Variants in ARHGAP24 observed in about 807,000 individuals in gnomAD.
The protein encoded by ARHGAP24 is Rho GTPase activating protein 24.
Under a neutral mutation model 76.4 loss-of-function variants are expected in ARHGAP24, and 50 were observed. The observed-to-expected ratio is 0.65, with a 90% CI of 0.52 to 0.83. ARHGAP24 has a LOEUF of 0.83. ARHGAP24 is among the 40% of genes least tolerant of loss of function. ARHGAP24 has a pLI of 0.00. For synonymous variants in ARHGAP24, 345 were observed against 323.3 expected (o/e 1.07, Z -0.72); for missense variants, 930 against 914.2 (o/e 1.02, Z -0.22).
At chr4:85,616,529 G>A (rs1318618969) in intron 2 of ARHGAP24, among the ~76,000 whole-genome samples, 1 of 152,122 alleles carries the variant, frequency 6.6e-6, no homozygotes, top group East Asian at 1.9e-4. Flanking sequence ...TAGAAAAATA[G>A]AAGTTACAGA....
At chr4:85,676,803 A>G (rs1271409746) in intron 2 of ARHGAP24, among the ~76,000 whole-genome samples, 5 of 152,340 alleles carry the variant, frequency 3.3e-5, no homozygotes, top group Non-Finnish European at 7.3e-5. Context: ...CATTCCCTAA[A>G]TATACTGCAC....
intron 3 of ARHGAP24, among the ~76,000 whole-genome samples, chr4:85,830,830 A>G (rs1024828347): frequency 2.0e-5 from 3 of 152,188 alleles, no homozygotes; most frequent in African/African-American, 4.8e-5. Flanking sequence ...ACCGCTGGCT[A>G]TAAGGACTTG....
chr4:85,642,846 C>G (rs1419446885), intron 2 of ARHGAP24, among the ~76,000 whole-genome samples: 1 of 152,062 alleles, frequency 6.6e-6, no homozygotes, highest in African/African-American at 2.4e-5. Flanking sequence ...TGCTGAGAAC[C>G]CTGCAATAGT....
At chr4:85,981,869 C>T (rs1399153280) in intron 8 of ARHGAP24, among the ~76,000 whole-genome samples, 8 of 152,106 alleles carry the variant, frequency 5.3e-5, no homozygotes, top group Admixed American at 2.0e-4. Context: ...TTTAGCCGCT[C>T]TTCTTAAATT....
At chr4:85,640,153 G>A (rs1300723355) in intron 2 of ARHGAP24, among the ~76,000 whole-genome samples, 2 of 152,058 alleles carry the variant, frequency 1.3e-5, no homozygotes, top group African/African-American at 4.8e-5. Flanking sequence ...ACACTATGAG[G>A]CCGTTAGCCA....
chr4:85,489,185 A>C (rs190318796), intron 1 of ARHGAP24, among the ~76,000 whole-genome samples: 1 of 152,346 alleles, frequency 6.6e-6, no homozygotes, highest in Admixed American at 6.5e-5. Context: ...AAGAGATTTC[A>C]TGCAGAAAGT....
intron 2 of ARHGAP24, among the ~76,000 whole-genome samples, chr4:85,598,275 G>A (rs1719907616): frequency 6.6e-6 from 1 of 151,994 alleles, no homozygotes; most frequent in African/African-American, 2.4e-5. Context: ...GAAATATGAA[G>A]AGTTCAAATA....
intron 1 of ARHGAP24, among the ~76,000 whole-genome samples, chr4:85,529,530 C>A (rs1206413727): frequency 6.6e-6 from 1 of 152,018 alleles, no homozygotes; most frequent in Non-Finnish European, 1.5e-5. Flanking sequence ...ATTAAGGTTT[C>A]TCAATCTCAG....
intron 2 of ARHGAP24, among the ~76,000 whole-genome samples, chr4:85,602,554 C>T (rs1720068573): frequency 6.6e-6 from 1 of 152,102 alleles, no homozygotes; most frequent in Admixed American, 6.6e-5. Context: ...CTCCTCTCCA[C>T]CTATTGCAAT....
intron 1 of ARHGAP24, among the ~76,000 whole-genome samples, chr4:85,559,246 G>A (rs1162795997): frequency 6.6e-6 from 1 of 152,160 alleles, no homozygotes; most frequent in Admixed American, 6.5e-5. Flanking sequence ...AGATTTAGGT[G>A]TGGAAAACCT....
chr4:85,849,225 C>A (rs1731074204), intron 3 of ARHGAP24, among the ~76,000 whole-genome samples: 1 of 149,826 alleles, frequency 6.7e-6, no homozygotes, highest in Non-Finnish European at 1.5e-5. Flanking sequence ...AATGAGAGTT[C>A]ACTCTTGATT....
chr4:85,995,721 G>C lies in ARHGAP24; in HGVS notation c.2003+64G>C, dbSNP rs1348846480. 5.4e-6 allele frequency: 8 copies of C among 1,473,706 alleles called. No homozygotes were observed. The African/African-American group carries it at 9.7e-5, about 18-fold the overall frequency. 91.3% of individuals were successfully genotyped at this position (1,473,706 alleles called of 1,614,324 possible). On this transcript the variant is annotated intron_variant, in intron 9 of 9. Transcript: ENST00000395184. ...TCAGTAGCCTCCTACTGTGGGACAG[G>C]ATCACACTGAGGGTGACATATGCTG...
chr4:85,590,368 T>G (rs1728042979), intron 2 of ARHGAP24, among the ~76,000 whole-genome samples: 1 of 151,840 alleles, frequency 6.6e-6, no homozygotes, highest in Admixed American at 6.6e-5. Flanking sequence ...TTTATTTTAT[T>G]TTATTTTTTG....
intron 3 of ARHGAP24, among the ~76,000 whole-genome samples, chr4:85,880,009 T>G (rs563723870): frequency 1.2e-4 from 19 of 152,322 alleles, no homozygotes; most frequent in Non-Finnish European, 1.2e-4. Context: ...TGCTGTGCAG[T>G]CTGGTTCCTA....
chr4:85,876,600 C>T (rs1732951594), intron 3 of ARHGAP24, among the ~76,000 whole-genome samples: 1 of 152,132 alleles, frequency 6.6e-6, no homozygotes, highest in African/African-American at 2.4e-5. Flanking sequence ...AGTTTAGGTG[C>T]CAAGGTCAAT....
intron 2 of ARHGAP24, among the ~76,000 whole-genome samples, chr4:85,614,672 A>G (rs1247856106): frequency 6.6e-6 from 1 of 152,158 alleles, no homozygotes; most frequent in African/African-American, 2.4e-5. Context: ...AACCCAGCCT[A>G]ATGATTTTAG....
chr4:85,915,645 C>A (rs1297929232), intron 3 of ARHGAP24, among the ~76,000 whole-genome samples: 1 of 151,942 alleles, frequency 6.6e-6, no homozygotes, highest in East Asian at 1.9e-4. Flanking sequence ...CGTTCAACTC[C>A]CACTTATGAG....
chr4:85,643,234 GTTTTT>G (rs70948741), intron 2 of ARHGAP24, among the ~76,000 whole-genome samples: 2 of 54,608 alleles, frequency 3.7e-5, no homozygotes, highest in African/African-American at 1.2e-4. Flanking sequence ...GTTTTTTTGT[GTTTTT>G]TTTTTTTTTT....
intron 2 of ARHGAP24, among the ~76,000 whole-genome samples, chr4:85,689,156 A>T (rs949629560): frequency 2.0e-5 from 3 of 152,202 alleles, no homozygotes; most frequent in Non-Finnish European, 4.4e-5. Flanking sequence ...CATTTTAATG[A>T]TAATCATTCT....
Sources: allele counts gnomAD v4.1 joint callset (sites outside exome capture counted in the v4.1 genomes callset), GRCh38; gene constraint gnomAD v4.1.1; transcripts MANE v1.5; gene names NCBI Gene and HGNC (gene_info 2026-07-23, HGNC 2026-07-21).